SORCS2: variants seen among roughly 807,000 people sequenced by gnomAD.
SORCS2 encodes sortilin related VPS10 domain containing receptor 2, also known as VPS10 domain-containing receptor SorCS2.
SORCS2 carries 100 observed loss-of-function variants against 141.6 expected under a neutral mutation model. The ratio of observed to expected loss-of-function variants is 0.71; its 90% CI spans 0.60 to 0.83. The LOEUF (loss-of-function observed/expected upper bound fraction) is 0.83, where lower values mean the gene tolerates loss of function less well. Among genes scored for constraint, SORCS2 ranks in the 40% least tolerant of loss-of-function variants. The probability of loss-of-function intolerance (pLI) is 0.00; values close to 1 mark genes in which losing one functional copy is unlikely to be tolerated. For missense variants in SORCS2, 1,646 were observed against 1,560.2 expected, an observed-to-expected ratio of 1.05 and a Z score of -0.93; for synonymous variants, 789 against 676.9, an observed-to-expected ratio of 1.17 and a Z score of -2.57.
chr4:7,352,557 G>A (rs1721003839), intron 1 of SORCS2, among the ~76,000 whole-genome samples: 1 of 152,212 alleles, frequency 6.6e-6, no homozygotes, highest in African/African-American at 2.4e-5. Context: ...GAAAGCCAGT[G>A]GGCTGAGCTC....
At chr4:7,545,920 G>A (rs1485355476) in intron 3 of SORCS2, among the ~76,000 whole-genome samples, 1 of 152,200 alleles carries the variant, frequency 6.6e-6, no homozygotes, top group African/African-American at 2.4e-5. Flanking sequence ...CAAGGTTCCA[G>A]CAAGGTCAGG....
chr4:7,478,941 T>C (rs550494624), intron 2 of SORCS2, among the ~76,000 whole-genome samples: 4 of 152,332 alleles, frequency 2.6e-5, no homozygotes, highest in African/African-American at 7.2e-5. Flanking sequence ...TCTCCTCTCC[T>C]GACGGGCTCT....
At chr4:7,638,612 G>A in intron 4 of SORCS2, 120 bp downstream of exon 4, 1 of 1,040,002 alleles carries the variant, frequency 9.6e-7, no homozygotes, top group Non-Finnish European at 1.3e-6. Context: ...CTGAGGAGGA[G>A]CCTCCCGGGG....
chr4:7,739,934 G>C (rs1161098592), intron 26 of SORCS2, among the ~76,000 whole-genome samples: 1 of 152,198 alleles, frequency 6.6e-6, no homozygotes, highest in Non-Finnish European at 1.5e-5. Flanking sequence ...GCAGGTCAGT[G>C]GCTGTGGCGG....
chr4:7,670,601 C>G (rs1044513198), intron 8 of SORCS2, among the ~76,000 whole-genome samples: 1 of 152,196 alleles, frequency 6.6e-6, no homozygotes, highest in Non-Finnish European at 1.5e-5. Context: ...GGCAACGACA[C>G]GGGCAGAACC....
intron 1 of SORCS2, among the ~76,000 whole-genome samples, chr4:7,214,718 C>T (rs146794956): frequency 1.1e-4 from 17 of 152,288 alleles, no homozygotes; most frequent in East Asian, 3.9e-4. Flanking sequence ...CAGCACATTC[C>T]GGCATATCTG....
chr4:7,678,655 A>C (rs914765794), intron 9 of SORCS2, among the ~76,000 whole-genome samples: 1 of 149,646 alleles, frequency 6.7e-6, no homozygotes, highest in African/African-American at 2.5e-5. Flanking sequence ...AGGTGAGAGG[A>C]AGCAAGAAGC....
intron 1 of SORCS2, among the ~76,000 whole-genome samples, chr4:7,300,025 G>T (rs959208563): frequency 6.6e-6 from 1 of 152,216 alleles, no homozygotes; most frequent in Admixed American, 6.5e-5. Context: ...GTCTTTGGGG[G>T]TTGATAAGAA....
intron 3 of SORCS2, among the ~76,000 whole-genome samples, chr4:7,558,854 C>G (rs536925051): frequency 6.6e-6 from 1 of 152,320 alleles, no homozygotes; most frequent in South Asian, 2.1e-4. Context: ...TGGCTTTACC[C>G]CAAAGCCGGC....
intron 1 of SORCS2, among the ~76,000 whole-genome samples, chr4:7,199,553 C>G (rs1029621040): frequency 2.0e-5 from 3 of 152,058 alleles, no homozygotes; most frequent in Non-Finnish European, 4.4e-5. Context: ...ATGGTGTTTC[C>G]TGGCTGGGGT....
chr4:7,516,801 C>A (rs115073301), intron 2 of SORCS2, among the ~76,000 whole-genome samples: 1 of 152,212 alleles, frequency 6.6e-6, no homozygotes, highest in African/African-American at 2.4e-5. Context: ...TTGTCACTCT[C>A]ATCCACGTTT....
intron 1 of SORCS2, among the ~76,000 whole-genome samples, chr4:7,196,697 G>A (rs1174628120): frequency 6.6e-6 from 1 of 150,614 alleles, no homozygotes; most frequent in African/African-American, 2.4e-5. Context: ...CGCCTACATG[G>A]TTAGTGGTAT....
At chr4:7,204,758 T>C (rs1727646465) in intron 1 of SORCS2, among the ~76,000 whole-genome samples, 1 of 152,164 alleles carries the variant, frequency 6.6e-6, no homozygotes, top group Admixed American at 6.5e-5. Flanking sequence ...ATTCTGCCAC[T>C]TGTGACCCAA....
intron 5 of SORCS2, among the ~76,000 whole-genome samples, chr4:7,658,851 G>A (rs1721966589): frequency 6.6e-6 from 1 of 152,216 alleles, no homozygotes; most frequent in African/African-American, 2.4e-5. Context: ...GTGGTGGGGA[G>A]AGGCCATGGG....
At chr4:7,731,390 C>T (rs1243174250) in intron 23 of SORCS2, among the ~76,000 whole-genome samples, 3 of 152,056 alleles carry the variant, frequency 2.0e-5, no homozygotes, top group Non-Finnish European at 4.4e-5. Flanking sequence ...GTCCATACTA[C>T]CTAAAGTGAT....
intron 2 of SORCS2, among the ~76,000 whole-genome samples, chr4:7,516,178 G>A (rs537654291): frequency 6.6e-6 from 1 of 152,322 alleles, no homozygotes; most frequent in African/African-American, 2.4e-5. Context: ...TGCAGTCCTG[G>A]TCCTCCTGGA....
At position 7,542,692 on chromosome 4, in the gene SORCS2, C is replaced by T. The variant is rs942474206; in HGVS notation, c.648+11063C>T. Among the ~76,000 whole-genome samples the T allele has an allele frequency of 5.3e-5, 8 of 152,346 alleles. No homozygotes were observed. The East Asian group carries it at 9.6e-4, about 18-fold the overall frequency. On this transcript the variant is annotated intron_variant, in intron 3 of 26. Coordinates refer to ENST00000507866, the MANE Select transcript of SORCS2 (RefSeq NM_020777.3). Reference sequence around the variant, plus strand: ...GGCACCAGTGTGTGACACTTTGTCTCGGAAGCCCCAGACGCTGATGAGAAT... The same window carrying T: ...GGCACCAGTGTGTGACACTTTGTCTTGGAAGCCCCAGACGCTGATGAGAAT...
intron 3 of SORCS2, among the ~76,000 whole-genome samples, chr4:7,548,159 G>C (rs925250836): frequency 3.3e-5 from 5 of 152,162 alleles, no homozygotes; most frequent in African/African-American, 1.2e-4. Context: ...GCCTTTGAGG[G>C]CTCCAACACA....
chr4:7,315,413 GCAGCATGGCCTGAATCAATC>G (rs1382413883), intron 1 of SORCS2, among the ~76,000 whole-genome samples: 1 of 152,262 alleles, frequency 6.6e-6, no homozygotes, highest in African/African-American at 2.4e-5. Context: ...CAATGGCCAG[GCAGCATGGCCTGAATCAATC>G]CAGGCAATGA....
Sources: gnomAD v4.1 joint callset for allele counts (sites outside exome capture counted in the v4.1 genomes callset) on GRCh38, gnomAD v4.1.1 for gene constraint, MANE v1.5 for transcripts, NCBI Gene and HGNC (gene_info 2026-07-23, HGNC 2026-07-21) for gene names.